The following GRHPR variants were observed in gnomAD, a reference collection of about 807,000 sequenced individuals.
The protein encoded by GRHPR is glyoxylate reductase/hydroxypyruvate reductase.
A neutral mutation model predicts 36.8 loss-of-function variants in GRHPR; 35 were observed. That is an observed-to-expected ratio of 0.95 (90% CI 0.73 to 1.26). GRHPR has a LOEUF of 1.26. Among genes scored for constraint, GRHPR ranks in the 50% most tolerant of loss-of-function variants. GRHPR has a pLI of 0.00. For missense variants in GRHPR, 380 were observed against 435.0 expected, an observed-to-expected ratio of 0.87 and a Z score of 1.12; for synonymous variants, 179 against 181.0, an observed-to-expected ratio of 0.99 and a Z score of 0.09.
At chr9:37,426,752 A>G in intron 4 of GRHPR, 98 bp downstream of exon 4, 1 of 748,818 alleles carries the variant, frequency 1.3e-6, no homozygotes, top group African/African-American at 1.7e-5. Flanking sequence ...GTTCGAGACC[A>G]GTCTGGCCAA....
Position 37,430,543 on chromosome 9 carries a change from T to C in GRHPR, c.631T>C (p.Phe211Leu), listed in dbSNP as rs1823312496. 1 of 1,613,774 alleles carries C rather than the reference T, an allele frequency of 6.2e-7. No homozygotes were observed. The highest frequency in any genetic ancestry group is 1.7e-5 in the Admixed American group (1 of 60,008). The change falls in exon 7 of 9, where the codon TTC (phenylalanine) becomes CTC (leucine). Residue 211 changes from phenylalanine to leucine, a missense_variant. Transcript: ENST00000318158. ...CCCTGAGCTGGCTGCCCAATCTGAT[T>C]TCATCGTCGTGGCCTGCTCCTTAAC... ...STPELAAQSD[F>L]IVVACSLTPA...
rs1255258466 is a variant in GRHPR at position 37,432,012 on chromosome 9, G to A, written c.739G>A (p.Asp247Asn). 4 of 1,614,118 alleles carry A rather than the reference G, an allele frequency of 2.5e-6. No individual in the cohort carries two copies. The highest frequency in any genetic ancestry group is 3.4e-6 in the Non-Finnish European group (4 of 1,179,958). The change falls in exon 8 of 9, where the codon GAC (aspartate) becomes AAC (asparagine). Residue 247 changes from aspartate (D) to asparagine (N), a missense_variant. By Grantham distance (23) the Asp-to-Asn change is conservative. Transcript: ENST00000318158. ...TAVFINISRGDVVNQDDLYQA... is the reference protein window; with the variant it reads ...TAVFINISRGNVVNQDDLYQA... ...TGTCACCACTGTCATTCCCAGGGGC[G>A]ACGTCGTAAACCAGGACGACCTGTA...
intron 8 of GRHPR, chr9:37,432,817 A>G (rs1339819089): frequency 1.3e-5 from 2 of 153,984 alleles, no homozygotes; most frequent in Non-Finnish European, 2.9e-5. Context: ...CAATGCCAAT[A>G]TAACTCGTGC....
intron 8 of GRHPR, chr9:37,433,828 C>A: frequency 2.6e-6 from 1 of 381,148 alleles, no homozygotes; most frequent in Admixed American, 4.5e-5. Context: ...GTGATCAGGG[C>A]CTTAGGTTGT....
chr9:37,431,850 A>G (rs551227990), intron 7 of GRHPR, 158 bp from the exon 8 acceptor site: 24 of 721,636 alleles, frequency 3.3e-5, no homozygotes, highest in South Asian at 8.6e-5. Flanking sequence ...CTCTGAGTAT[A>G]TAAGACTTAC....
At chr9:37,426,190 T>C (rs1364115069) in intron 3 of GRHPR, 196 bp downstream of exon 3, 2 of 617,860 alleles carry the variant, frequency 3.2e-6, no homozygotes, top group African/African-American at 1.8e-5. Flanking sequence ...GGGTAACTTC[T>C]GTGTAGGTGG....
At chr9:37,424,511 C>T (rs1822982231) in intron 1 of GRHPR, among the ~76,000 whole-genome samples, 1 of 152,264 alleles carries the variant, frequency 6.6e-6, no homozygotes, top group South Asian at 2.1e-4. Flanking sequence ...ACCTGAGGCA[C>T]ACCCTGCCCC....
At chr9:37,427,243 C>T (rs139193641) in intron 4 of GRHPR, among the ~76,000 whole-genome samples, 80 of 152,286 alleles carry the variant, frequency 5.3e-4, no homozygotes, top group African/African-American at 1.7e-3. Context: ...GGTGGGCGTC[C>T]GCTTGAGTCC....
intron 4 of GRHPR, chr9:37,428,197 A>G (rs1008629428): frequency 5.4e-5 from 29 of 538,650 alleles, no homozygotes; most frequent in Non-Finnish European, 9.4e-5. Flanking sequence ...TGGTTGTGTG[A>G]CCTCAGGCAA....
intron 5 of GRHPR, chr9:37,429,259 C>G (rs1177352059): frequency 3.5e-6 from 1 of 284,342 alleles, no homozygotes; most frequent in South Asian, 3.5e-5. Flanking sequence ...AAATCTGTCT[C>G]AGCAGCAGCT....
intron 7 of GRHPR, 162 bp downstream of exon 7, chr9:37,430,808 G>C: frequency 1.4e-6 from 1 of 730,716 alleles, no homozygotes. Context: ...GAATACACGA[G>C]ACCTCCGTAC....
chr9:37,435,977 G>T (rs999717088), intron 8 of GRHPR, among the ~76,000 whole-genome samples: 3 of 152,138 alleles, frequency 2.0e-5, no homozygotes, highest in South Asian at 2.1e-4. Context: ...TTGCTCTGGG[G>T]TGGGATCAGA....
upstream of GRHPR, chr9:37,422,678 C>A (rs10973332): frequency 0.064 from 79,631 of 1,236,150 alleles, 5,471 homozygotes; most frequent in East Asian, 0.39. Context: ...TCCAGCCTGG[C>A]CCCGCCCCGG....
intron 8 of GRHPR, among the ~76,000 whole-genome samples, chr9:37,433,184 TGGC>T (rs1336868114): frequency 7.9e-5 from 12 of 151,804 alleles, no homozygotes; most frequent in Non-Finnish European, 1.8e-4. Flanking sequence ...GAAGTGCCTC[TGGC>T]AGTTGCTACC....
intron 8 of GRHPR, among the ~76,000 whole-genome samples, chr9:37,433,421 A>G (rs1823473699): frequency 6.6e-6 from 1 of 151,630 alleles, no homozygotes; most frequent in African/African-American, 2.4e-5. Flanking sequence ...TTTAGTAGAG[A>G]TGGGGTTTGT....
In GRHPR at chr9:37,425,054, G is replaced by T. The variant is rs906009655; in HGVS notation, c.214+79G>T. 6 of 1,413,642 alleles carry T rather than the reference G, an allele frequency of 4.2e-6. No homozygotes were observed. The African/African-American group carries it at 7.0e-5, about 17-fold the overall frequency. The allele number at this position is 1,413,642 out of a possible 1,614,324, so 87.6% of individuals were successfully genotyped here. On this transcript the variant is annotated intron_variant, in intron 2 of 8. Coordinates refer to ENST00000318158, the MANE Select transcript of GRHPR (RefSeq NM_012203.2). ...CAGCCTGTGCTGCTGGCTCCTGGCTGCTCTGCAGTGCTGTCTGGGTTCTGA... is the reference window on the plus strand; with the variant it reads ...CAGCCTGTGCTGCTGGCTCCTGGCTTCTCTGCAGTGCTGTCTGGGTTCTGA...
chr9:37,429,588 C>G, intron 5 of GRHPR, 144 bp from the exon 6 acceptor site: 1 of 743,766 alleles, frequency 1.3e-6, no homozygotes. Context: ...CAGCCCCCCA[C>G]CCGCTTTGGA....
At chr9:37,437,686 ATT>A (rs57294640), downstream of GRHPR, among the ~76,000 whole-genome samples, 315 of 146,614 alleles carry the variant, frequency 2.1e-3, no homozygotes, top group Middle Eastern at 7.0e-3. Context: ...CCCCAGGTGG[ATT>A]TTTTTTTTTT....
Position 37,432,027 on chromosome 9 carries a change from G to T in GRHPR, c.754G>T (p.Asp252Tyr), listed in dbSNP as rs1823392461. 6.2e-7 allele frequency: 1 copy of T among 1,614,168 alleles called. No homozygotes were observed. The highest frequency in any genetic ancestry group is 8.5e-7 in the Non-Finnish European group (1 of 1,179,986). The change falls in exon 8 of 9, where the codon GAC becomes TAC. Residue 252 changes from aspartate (D) to tyrosine (Y), a missense_variant. Transcript: ENST00000318158. Reference sequence around the variant, plus strand: ...TCCCAGGGGCGACGTCGTAAACCAGGACGACCTGTACCAGGCCTTGGCCAG... The same window carrying T: ...TCCCAGGGGCGACGTCGTAAACCAGTACGACCTGTACCAGGCCTTGGCCAG... ...NISRGDVVNQ[D>Y]DLYQALASGK...
Sources: gnomAD v4.1 joint callset for allele counts (sites outside exome capture counted in the v4.1 genomes callset) on GRCh38, gnomAD v4.1.1 for gene constraint, MANE v1.5 for transcripts, NCBI Gene and HGNC (gene_info 2026-07-23, HGNC 2026-07-21) for gene names.